Variants in ARMH4 observed in about 807,000 individuals in gnomAD.
ARMH4 encodes armadillo-like helical domain-containing protein 4.
ARMH4 carries 49 observed loss-of-function variants against 61.9 expected under a neutral mutation model. The observed-to-expected ratio is 0.79, with a 90% CI of 0.63 to 1.00. The LOEUF (loss-of-function observed/expected upper bound fraction) is 1.00, where lower values mean the gene tolerates loss of function less well. Ranked by LOEUF, ARMH4 falls within the 50% of genes least tolerant of loss-of-function variation. The pLI, the probability that ARMH4 is intolerant of heterozygous loss-of-function variation, is 0.00. For missense variants in ARMH4, 934 were observed against 930.0 expected (o/e 1.00, Z -0.06); for synonymous variants, 368 against 341.5 (o/e 1.08, Z -0.85).
Position 58,138,117 on chromosome 14 carries a change from C to G in ARMH4, c.1242G>C (p.Leu414Phe). Reference sequence around the variant, plus strand: ...CCGTGAAGTCTCCCGTACTTTGGAGCAAGTTCACAATGGAAACTTTCATGT... The same window carrying G: ...CCGTGAAGTCTCCCGTACTTTGGAGGAAGTTCACAATGGAAACTTTCATGT... Reference protein sequence around the residue: ...MEDMKVSIVNLLQSTGDFTES... With the variant: ...MEDMKVSIVNFLQSTGDFTES... The change falls in exon 2 of 8, where the codon TTG becomes TTC. Residue 414 changes from leucine (L) to phenylalanine (F), a missense_variant. Transcript: ENST00000267485. 3.1e-6 allele frequency: 5 copies of G among 1,614,204 alleles called. No individual in the cohort carries two copies. Among genetic ancestry groups the G allele is most frequent in the East Asian group, 2.2e-5 (1 of 44,892 alleles).
At chr14:58,029,944 GA>G (rs57311890) in intron 5 of ARMH4, among the ~76,000 whole-genome samples, 6,483 of 152,224 alleles carry the variant, frequency 0.043, 156 homozygotes, top group Middle Eastern at 0.051. Flanking sequence ...CCAAAAGGAG[GA>G]AATAACCCAA....
intron 5 of ARMH4, among the ~76,000 whole-genome samples, chr14:58,095,231 T>C (rs941408194): frequency 6.6e-6 from 1 of 152,158 alleles, no homozygotes; most frequent in Non-Finnish European, 1.5e-5. Flanking sequence ...TCCGGTAAAG[T>C]ACTAGAGCAT....
chr14:58,138,225 T>C lies in ARMH4; in HGVS notation c.1134A>G (p.Thr378=), dbSNP rs142387855. The change falls in exon 2 of 8, where the codon ACA becomes ACG. Residue 378 remains threonine, a synonymous_variant. Transcript: ENST00000267485. ...GLPEGETHTG[T]ALLIAHGNER... ...CATTCCCATGCGCTATTAGCAGGGCTGTGCCCGTGTGTGTTTCCCCTTCAG... is the reference window on the plus strand; with the variant it reads ...CATTCCCATGCGCTATTAGCAGGGCCGTGCCCGTGTGTGTTTCCCCTTCAG... 7 of 1,614,242 alleles carry C rather than the reference T, an allele frequency of 4.3e-6. No homozygotes were observed. The East Asian group carries it at 1.3e-4, about 31-fold the overall frequency.
intron 5 of ARMH4, among the ~76,000 whole-genome samples, chr14:58,049,961 T>C (rs1159090075): frequency 6.6e-6 from 1 of 152,242 alleles, no homozygotes; most frequent in Non-Finnish European, 1.5e-5. Context: ...CCCTTTATGA[T>C]TCAATGTTCC....
At chr14:58,024,924 A>G (rs930848384) in intron 5 of ARMH4, among the ~76,000 whole-genome samples, 1 of 152,114 alleles carries the variant, frequency 6.6e-6, no homozygotes, top group African/African-American at 2.4e-5. Flanking sequence ...TGGCACCCCA[A>G]AATTATTACA....
intron 6 of ARMH4, among the ~76,000 whole-genome samples, chr14:58,008,729 C>T (rs552877287): frequency 8.0e-4 from 122 of 152,244 alleles, no homozygotes; most frequent in Middle Eastern, 3.4e-3. Context: ...GGAGGTATGT[C>T]TATGGTGGAG....
At chr14:58,042,279 C>A (rs1392962475) in intron 5 of ARMH4, among the ~76,000 whole-genome samples, 1 of 152,178 alleles carries the variant, frequency 6.6e-6, no homozygotes, top group Non-Finnish European at 1.5e-5. Flanking sequence ...CAAACTAGAA[C>A]TCAGGATTAA....
intron 4 of ARMH4, among the ~76,000 whole-genome samples, chr14:58,107,156 A>T (rs1886189666): frequency 6.6e-6 from 1 of 152,212 alleles, no homozygotes; most frequent in Admixed American, 6.5e-5. Context: ...TTAGATCTCC[A>T]GAAGATACAG....
At chr14:58,145,284 T>C (rs1321811131) in intron 1 of ARMH4, among the ~76,000 whole-genome samples, 1 of 152,224 alleles carries the variant, frequency 6.6e-6, no homozygotes, top group Admixed American at 6.5e-5. Flanking sequence ...AGTTTCTCCT[T>C]TGACAAAATG....
intron 5 of ARMH4, among the ~76,000 whole-genome samples, chr14:58,074,613 G>A (rs1884986363): frequency 6.6e-6 from 1 of 151,972 alleles, no homozygotes; most frequent in African/African-American, 2.4e-5. Context: ...CCACCAATAT[G>A]ACATCACAGA....
At chr14:58,022,935 T>G (rs1468516463) in intron 5 of ARMH4, among the ~76,000 whole-genome samples, 2 of 152,228 alleles carry the variant, frequency 1.3e-5, no homozygotes, top group Non-Finnish European at 2.9e-5. Context: ...CACTATAGTA[T>G]AGTCTAGTAA....
intron 5 of ARMH4, among the ~76,000 whole-genome samples, chr14:58,070,632 T>C (rs1884853937): frequency 6.6e-6 from 1 of 152,224 alleles, no homozygotes; most frequent in African/African-American, 2.4e-5. Context: ...GTTCTGAATG[T>C]CCAGCTCTTG....
chr14:58,132,551 A>G (rs1346179138), intron 3 of ARMH4, among the ~76,000 whole-genome samples: 3 of 143,332 alleles, frequency 2.1e-5, no homozygotes, highest in South Asian at 2.3e-4. Flanking sequence ...AGCCACCAGG[A>G]GACCTTACTT....
chr14:58,136,052 G>C (rs1161560030), intron 2 of ARMH4, among the ~76,000 whole-genome samples: 1 of 152,074 alleles, frequency 6.6e-6, no homozygotes, highest in Non-Finnish European at 1.5e-5. Flanking sequence ...AATCACATTG[G>C]ATAACTCCAG....
chr14:58,111,153 A>T (rs570364143), intron 4 of ARMH4, among the ~76,000 whole-genome samples: 69 of 152,332 alleles, frequency 4.5e-4, no homozygotes, highest in African/African-American at 1.6e-3. Context: ...AATATTTTAT[A>T]TATGTCAAGG....
rs142004053 is a variant in ARMH4, at chr14:58,067,550, G to A, written c.2089+29174C>T. On this transcript the variant is annotated intron_variant, in intron 5 of 7. Coordinates refer to ENST00000267485, the MANE Select transcript of ARMH4 (RefSeq NM_001001872.4). ...TAGCCTGGAAGGGAGATGGTAGCAA[G>A]ACATTTGCATCATTCTGTGGCTTCC... is the stretch of plus-strand genomic sequence containing the variant. Among the ~76,000 whole-genome samples, 1,013 of 152,332 alleles carry A rather than the reference G, an allele frequency of 6.6e-3. 3 individuals carry two copies. Among genetic ancestry groups the A allele is most frequent in the Non-Finnish European group, 9.9e-3 (676 of 68,036 alleles).
At chr14:58,068,201 T>A (rs1012318518) in intron 5 of ARMH4, among the ~76,000 whole-genome samples, 2 of 152,150 alleles carry the variant, frequency 1.3e-5, no homozygotes, top group Non-Finnish European at 2.9e-5. Flanking sequence ...CTTTCCACGA[T>A]GGGAGGAGTT....
intron 5 of ARMH4, among the ~76,000 whole-genome samples, chr14:58,033,809 G>T (rs1883361384): frequency 3.1e-5 from 1 of 32,182 alleles, no homozygotes; most frequent in Admixed American, 3.5e-4. Flanking sequence ...ATCAGCAATG[G>T]AAGATGAAAT....
intron 4 of ARMH4, among the ~76,000 whole-genome samples, chr14:58,103,355 T>C (rs2141275192): frequency 6.6e-6 from 1 of 152,198 alleles, no homozygotes; most frequent in East Asian, 1.9e-4. Flanking sequence ...ATTGGTGCCC[T>C]TATAAAAATG....
Sources: allele counts gnomAD v4.1 joint callset (sites outside exome capture counted in the v4.1 genomes callset), GRCh38; gene constraint gnomAD v4.1.1; transcripts MANE v1.5; gene names NCBI Gene and HGNC (gene_info 2026-07-23, HGNC 2026-07-21).